Variants in GLCE observed in about 807,000 individuals in gnomAD.
The protein encoded by GLCE is D-glucuronyl C5-epimerase.
GLCE carries 19 observed loss-of-function variants against 47.9 expected under a neutral mutation model. The ratio of observed to expected loss-of-function variants is 0.40; its 90% CI spans 0.28 to 0.58. The LOEUF is 0.58. GLCE is among the 20% of genes least tolerant of loss of function. The pLI is 0.48. For missense variants in GLCE, 556 were observed against 743.3 expected, an observed-to-expected ratio of 0.75 and a Z score of 2.93; for synonymous variants, 245 against 263.4, an observed-to-expected ratio of 0.93 and a Z score of 0.68.
chr15:69,269,249 C>T lies in GLCE; in HGVS notation c.*5C>T, dbSNP rs776735700. ...AGCAGGGCAAAGCACAACTAGAGCT[C>T]ACAACCAAAACTGCACTTCAGCCTC... On this transcript the variant is annotated 3_prime_UTR_variant, in exon 5 of 5. Coordinates refer to ENST00000261858, the MANE Select transcript of GLCE (RefSeq NM_015554.3). 1.3e-5 allele frequency: 21 copies of T among 1,611,534 alleles called. No individual in the cohort carries two copies. The Admixed American group carries it at 3.2e-4, about 24-fold the overall frequency.
In GLCE at chr15:69,256,370, C is replaced by A; in HGVS notation, c.564C>A (p.Val188=). 2 of 1,611,680 alleles carry A rather than the reference C, an allele frequency of 1.2e-6. No homozygotes were observed. The highest frequency in any genetic ancestry group is 1.1e-5 in the South Asian group (1 of 90,986). ...EGYNVEVRDR[V]KCISGVEGVP... is the part of the protein sequence containing the mutation. ...ACAATGTGGAAGTCCGAGACAGAGTCAAGTGCATAAGTGGGGTTGAAGGTT... is the reference window on the plus strand; with the variant it reads ...ACAATGTGGAAGTCCGAGACAGAGTAAAGTGCATAAGTGGGGTTGAAGGTT... The change falls in exon 3 of 5, where the codon GTC becomes GTA. Residue 188 remains valine, a synonymous_variant. Coordinates refer to ENST00000261858, the MANE Select transcript of GLCE (RefSeq NM_015554.3).
intron 1 of GLCE, among the ~76,000 whole-genome samples, chr15:69,187,168 A>G (rs1021730382): frequency 6.6e-6 from 1 of 152,174 alleles, no homozygotes; most frequent in Admixed American, 6.5e-5. Context: ...GAAACTGGGT[A>G]TATATGCTTC....
rs185681803 is a variant in GLCE at position 69,251,199 on chromosome 15, T to G, written c.-13-4595T>G. 7.9e-5 allele frequency among the ~76,000 whole-genome samples: 12 copies of G among 152,308 alleles called. No individual in the cohort carries two copies. In the East Asian group the frequency reaches 2.3e-3, roughly 29 times the overall value. On this transcript the variant is annotated intron_variant, in intron 2 of 4. Coordinates refer to ENST00000261858, the MANE Select transcript of GLCE (RefSeq NM_015554.3). ...CTTGTATTTCCTGTTAACCAGAGAT[T>G]AAATTTTATGTCCTGAGAGATCCAA...
chr15:69,231,612 G>A (rs2052522785), intron 2 of GLCE, among the ~76,000 whole-genome samples: 2 of 152,012 alleles, frequency 1.3e-5, no homozygotes, highest in South Asian at 4.2e-4. Context: ...CATGTTAAGT[G>A]AGTTGATGGA....
chr15:69,203,377 A>T (rs1006510038), intron 1 of GLCE, among the ~76,000 whole-genome samples: 4 of 152,130 alleles, frequency 2.6e-5, no homozygotes, highest in Admixed American at 2.6e-4. Flanking sequence ...TAACCTACTG[A>T]AACTTTTGAC....
At chr15:69,202,921 T>G (rs1432191842) in intron 1 of GLCE, among the ~76,000 whole-genome samples, 3 of 152,150 alleles carry the variant, frequency 2.0e-5, no homozygotes, top group Admixed American at 2.0e-4. Context: ...ATATATTTTA[T>G]ATAAAACTTC....
At chr15:69,188,086 C>A (rs4776434) in intron 1 of GLCE, among the ~76,000 whole-genome samples, 113,660 of 151,280 alleles carry the variant, frequency 0.75, 46,198 homozygotes, top group Non-Finnish European at 0.91. Flanking sequence ...ACAACAACAA[C>A]AAAAAAATTA....
At chr15:69,235,093 CTT>C (rs869212730) in intron 2 of GLCE, among the ~76,000 whole-genome samples, 1,230 of 62,708 alleles carry the variant, frequency 0.02, 40 homozygotes, top group African/African-American at 0.077. Context: ...GAAGATTATT[CTT>C]TTTTTTTTTT....
Position 69,179,506 on chromosome 15 carries a change from TATC to T in GLCE, c.-105+18752_-105+18754del, listed in dbSNP as rs559600860. Among the ~76,000 whole-genome samples, 4 of 152,322 alleles carry T rather than the reference TATC, an allele frequency of 2.6e-5. No homozygotes were observed. The South Asian group carries it at 8.3e-4, about 32-fold the overall frequency. On this transcript the variant is annotated intron_variant, in intron 1 of 4. Transcript: ENST00000261858. ...GTATGTGTGTAATTGTTTGCAGTTTTATCATGTGTAGTTTTGACCACCACAGTC... is the reference window on the plus strand; with the variant it reads ...GTATGTGTGTAATTGTTTGCAGTTTTATGTGTAGTTTTGACCACCACAGTC...
intron 2 of GLCE, among the ~76,000 whole-genome samples, chr15:69,245,737 T>C (rs1274443012): frequency 6.6e-6 from 1 of 152,180 alleles, no homozygotes; most frequent in Non-Finnish European, 1.5e-5. Context: ...TCTTTTCTTT[T>C]TTGTTTTTTG....
rs113476074 is a variant in GLCE at position 69,215,539 on chromosome 15, G to GGGGT, written c.-14+5134_-14+5135insGGTG. On this transcript the variant is annotated intron_variant, in intron 2 of 4. Coordinates refer to ENST00000261858, the MANE Select transcript of GLCE (RefSeq NM_015554.3). ...ATAAAGCTACTACATTTACATAAAG[G>GGGGT]GTGTGTGTGTGTGTGTGTGTGTGTC... 1.9e-4 allele frequency among the ~76,000 whole-genome samples: 28 copies of GGGGT among 148,916 alleles called. 1 individual carries two copies. Among genetic ancestry groups the GGGGT allele is most frequent in the Non-Finnish European group, 8.9e-5 (6 of 67,122 alleles).
At chr15:69,250,727 C>T (rs973154554) in intron 2 of GLCE, among the ~76,000 whole-genome samples, 2 of 150,996 alleles carry the variant, frequency 1.3e-5, no homozygotes, top group Non-Finnish European at 2.9e-5. Flanking sequence ...CACCCTATAG[C>T]CCAGAACTCC....
intron 1 of GLCE, among the ~76,000 whole-genome samples, chr15:69,161,932 T>A (rs530057754): frequency 5.6e-4 from 85 of 152,206 alleles, no homozygotes; most frequent in African/African-American, 2.0e-3. Context: ...CTTGCTTTCC[T>A]AGGTGGTGGT....
chr15:69,249,443 G>A (rs2052804466), intron 2 of GLCE, among the ~76,000 whole-genome samples: 2 of 152,028 alleles, frequency 1.3e-5, no homozygotes, highest in Admixed American at 1.3e-4. Context: ...AACAAATATT[G>A]ATCAAAACAA....
chr15:69,241,066 G>A lies in GLCE; in HGVS notation c.-13-14728G>A, dbSNP rs188192180. ...ACTTTCTCTTGTTAAAATCATCATC[G>A]TCGTCGTCATCATCATCATCATGAT... On this transcript the variant is annotated intron_variant, in intron 2 of 4. Transcript: ENST00000261858. 3.4e-3 allele frequency among the ~76,000 whole-genome samples: 520 copies of A among 152,192 alleles called. 4 individuals carry two copies. The highest frequency in any genetic ancestry group is 8.6e-3 in the African/African-American group (357 of 41,512).
At chr15:69,245,252 G>C (rs926196030) in intron 2 of GLCE, among the ~76,000 whole-genome samples, 1 of 146,000 alleles carries the variant, frequency 6.8e-6, no homozygotes, top group Admixed American at 7.1e-5. Context: ...AGAATCGCTT[G>C]AACCCCGGAG....
chr15:69,189,032 CATT>C (rs143924840), intron 1 of GLCE, among the ~76,000 whole-genome samples: 1,972 of 152,272 alleles, frequency 0.013, 41 homozygotes, highest in African/African-American at 0.045. Flanking sequence ...AGTGATGTAT[CATT>C]ATCACCCAAA....
intron 1 of GLCE, among the ~76,000 whole-genome samples, chr15:69,200,267 G>C (rs1385423713): frequency 6.6e-6 from 1 of 152,110 alleles, no homozygotes; most frequent in Admixed American, 6.6e-5. Context: ...TTTAGAGCAA[G>C]TGCATAAATA....
intron 1 of GLCE, among the ~76,000 whole-genome samples, chr15:69,174,399 C>T (rs745684178): frequency 9.0e-6 from 1 of 111,154 alleles, no homozygotes; most frequent in Non-Finnish European, 2.3e-5. Flanking sequence ...CACCTGAGGT[C>T]AGGAGTTTGA....
Sources: gnomAD v4.1 joint callset for allele counts (sites outside exome capture counted in the v4.1 genomes callset) on GRCh38, gnomAD v4.1.1 for gene constraint, MANE v1.5 for transcripts, NCBI Gene and HGNC (gene_info 2026-07-23, HGNC 2026-07-21) for gene names.